TTC28: variants seen among roughly 807,000 people sequenced by gnomAD.
The protein encoded by TTC28 is tetratricopeptide repeat protein 28.
Under a neutral mutation model 198.0 loss-of-function variants are expected in TTC28, and 61 were observed. That is an observed-to-expected ratio of 0.31 (90% CI 0.25 to 0.38). The LOEUF (loss-of-function observed/expected upper bound fraction) is 0.38. Among genes scored for constraint, TTC28 ranks in the 10% least tolerant of loss-of-function variants. The probability of loss-of-function intolerance (pLI) is 1.00; values close to 1 mark genes in which losing one functional copy is unlikely to be tolerated. For missense variants in TTC28, 2,678 were observed against 3,164.0 expected, an observed-to-expected ratio of 0.85 and a Z score of 3.69; for synonymous variants, 1,171 against 1,297.8, an observed-to-expected ratio of 0.90 and a Z score of 2.10.
At chr22:28,536,555 C>G (rs1276135083) in intron 2 of TTC28, among the ~76,000 whole-genome samples, 1 of 151,866 alleles carries the variant, frequency 6.6e-6, no homozygotes, top group African/African-American at 2.4e-5. Flanking sequence ...ACCCGGGAGG[C>G]GGAGCTTGCA....
intron 2 of TTC28, among the ~76,000 whole-genome samples, chr22:28,472,439 G>A (rs1196600085): frequency 2.0e-5 from 3 of 151,804 alleles, no homozygotes; most frequent in African/African-American, 7.3e-5. Context: ...ACTTGTCCTG[G>A]GTGGTATTAA....
intron 2 of TTC28, among the ~76,000 whole-genome samples, chr22:28,607,213 A>G (rs1021372254): frequency 5.3e-5 from 8 of 152,158 alleles, no homozygotes; most frequent in African/African-American, 1.9e-4. Flanking sequence ...CTCAAGCTTA[A>G]CTATTTATTT....
chr22:28,243,067 G>A (rs1929777004), intron 5 of TTC28, among the ~76,000 whole-genome samples: 1 of 148,570 alleles, frequency 6.7e-6, no homozygotes, highest in Non-Finnish European at 1.5e-5. Flanking sequence ...GCCAGGCGCA[G>A]TGGCTCACAC....
intron 2 of TTC28, among the ~76,000 whole-genome samples, chr22:28,403,441 T>C (rs781437097): frequency 2.6e-5 from 4 of 152,192 alleles, no homozygotes; most frequent in Non-Finnish European, 4.4e-5. Context: ...AAATGAACAA[T>C]TGCCCTGCAC....
At chr22:28,160,338 T>G (rs745920487) in intron 6 of TTC28, among the ~76,000 whole-genome samples, 2 of 152,216 alleles carry the variant, frequency 1.3e-5, no homozygotes, top group Non-Finnish European at 2.9e-5. Flanking sequence ...TATATGTACC[T>G]ACTATGTACC....
Position 27,983,395 on chromosome 22 carries a change from C to T in TTC28, c.6272G>A (p.Gly2091Glu). ...GGAGCTCACCGAGACTCTCATGCCTCCGGCTGTCCCAGGTTGGGGTTGTTT... is the reference window on the plus strand; with the variant it reads ...GGAGCTCACCGAGACTCTCATGCCTTCGGCTGTCCCAGGTTGGGGTTGTTT... ...DHKQPQPGTA[G>E]GMRVSVSSKG... The change falls in exon 23 of 23, where the codon GGA (glycine) becomes GAA (glutamate). Residue 2091 changes from glycine to glutamate, a missense_variant. Around this residue, in one of 8 missense-constraint regions of TTC28, gnomAD observed 622 missense variants for 656.0 expected, o/e 0.95. Transcript: ENST00000397906. 5.2e-6 allele frequency: 8 copies of T among 1,551,114 alleles called. No individual in the cohort carries two copies. The highest frequency in any genetic ancestry group is 7.0e-6 in the Non-Finnish European group (8 of 1,147,002).
intron 2 of TTC28, among the ~76,000 whole-genome samples, chr22:28,369,023 C>G (rs1027782722): frequency 6.6e-6 from 1 of 151,754 alleles, no homozygotes; most frequent in Middle Eastern, 3.2e-3. Context: ...GCATTCTTCA[C>G]AGAAGTAGAA....
intron 13 of TTC28, among the ~76,000 whole-genome samples, chr22:28,025,846 G>C (rs1303194924): frequency 6.6e-6 from 1 of 152,116 alleles, no homozygotes; most frequent in Admixed American, 6.5e-5. Context: ...ACCCAGCCTG[G>C]GTGACAGAGT....
chr22:28,427,198 T>C (rs548949834), intron 2 of TTC28, among the ~76,000 whole-genome samples: 2 of 152,382 alleles, frequency 1.3e-5, no homozygotes, highest in South Asian at 2.1e-4. Context: ...GATTTTACTA[T>C]GTCACATTTT....
chr22:28,198,751 T>C (rs1925612034), intron 5 of TTC28, among the ~76,000 whole-genome samples: 1 of 152,090 alleles, frequency 6.6e-6, no homozygotes. Flanking sequence ...CTCTGCCATA[T>C]TTATTTGGTA....
At chr22:28,377,813 G>A (rs1284297406) in intron 2 of TTC28, among the ~76,000 whole-genome samples, 2 of 151,960 alleles carry the variant, frequency 1.3e-5, no homozygotes, top group Non-Finnish European at 2.9e-5. Flanking sequence ...ACAATGTCTG[G>A]CAGGCATGCA....
intron 1 of TTC28, among the ~76,000 whole-genome samples, chr22:28,661,678 A>G (rs1184335909): frequency 6.6e-6 from 1 of 151,812 alleles, no homozygotes; most frequent in Admixed American, 6.6e-5. Flanking sequence ...GCACGATCTC[A>G]GCTCACTGCA....
intron 5 of TTC28, among the ~76,000 whole-genome samples, chr22:28,214,300 G>C (rs942688913): frequency 3.1e-4 from 47 of 152,146 alleles, no homozygotes; most frequent in African/African-American, 1.1e-3. Context: ...TTAAACCAAA[G>C]AGCTTCTGCA....
At chr22:28,447,910 G>C (rs1308738232) in intron 2 of TTC28, among the ~76,000 whole-genome samples, 2 of 152,000 alleles carry the variant, frequency 1.3e-5, no homozygotes, top group Non-Finnish European at 2.9e-5. Flanking sequence ...ACTCGACAGA[G>C]GACTATTACC....
intron 9 of TTC28, 90 bp downstream of exon 9, chr22:28,101,081 T>C (rs1942134054): frequency 3.2e-6 from 3 of 941,502 alleles, no homozygotes; most frequent in Non-Finnish European, 4.8e-6. Context: ...CAGTGCCTCT[T>C]GTAAATGCCA....
At chr22:28,626,797 C>A (rs1279389051) in intron 2 of TTC28, among the ~76,000 whole-genome samples, 1 of 151,818 alleles carries the variant, frequency 6.6e-6, no homozygotes. Context: ...GTAAAATGGA[C>A]TATACAATAA....
chr22:28,077,596 C>T (rs1232484232), intron 12 of TTC28, among the ~76,000 whole-genome samples: 2 of 152,106 alleles, frequency 1.3e-5, no homozygotes, highest in Non-Finnish European at 2.9e-5. Flanking sequence ...TAATATTTGC[C>T]GCTTGTTATC....
At chr22:28,578,099 A>G (rs894000226) in intron 2 of TTC28, among the ~76,000 whole-genome samples, 14 of 152,046 alleles carry the variant, frequency 9.2e-5, no homozygotes, top group Admixed American at 9.2e-4. Flanking sequence ...GATACTTTTT[A>G]ACTTCCTGCT....
At chr22:28,230,400 A>G (rs1928711063) in intron 5 of TTC28, among the ~76,000 whole-genome samples, 1 of 152,250 alleles carries the variant, frequency 6.6e-6, no homozygotes, top group African/African-American at 2.4e-5. Flanking sequence ...TTAAAATTCA[A>G]GAGATCCAGA....
Sources: allele counts gnomAD v4.1 joint callset (sites outside exome capture counted in the v4.1 genomes callset), GRCh38; gene constraint gnomAD v4.1.1; regional missense constraint gnomAD v4.1.1; transcripts MANE v1.5; gene names NCBI Gene and HGNC (gene_info 2026-07-23, HGNC 2026-07-21).